The following OR6P1 variants were observed in gnomAD, a reference collection of about 807,000 sequenced individuals.
OR6P1 encodes olfactory receptor 6P1.
OR6P1 carries 5 observed loss-of-function variants against 6.6 expected under a neutral mutation model. That is an observed-to-expected ratio of 0.76 (90% CI 0.40 to 1.60). OR6P1 has a LOEUF of 1.60. Among genes scored for constraint, OR6P1 ranks in the 40% most tolerant of loss-of-function variants. The pLI, the probability that OR6P1 is intolerant of heterozygous loss-of-function variation, is 0.02. For synonymous variants in OR6P1, 177 were observed against 149.6 expected (o/e 1.18, Z -1.33); for missense variants, 451 against 383.0 (o/e 1.18, Z -1.48).
At chr1:158,567,214 A>G (rs1184830061) in intron 1 of OR6P1, among the ~76,000 whole-genome samples, 20 of 152,128 alleles carry the variant, frequency 1.3e-4, no homozygotes, top group African/African-American at 4.1e-4. Flanking sequence ...AACTAGTTCA[A>G]CCATTGTGGA....
rs1647973561 is a variant in OR6P1, at chr1:158,562,363, G to A, written c.*288C>T. On this transcript the variant is annotated 3_prime_UTR_variant, in exon 3 of 3. Coordinates refer to ENST00000641540, the MANE Select transcript of OR6P1 (RefSeq NM_001160325.2). ...AAGTTTTGAATATTATTCACGGCAG[G>A]GTTACATTCCACACATACTCAGTAA... 1.4e-5 allele frequency: 5 copies of A among 354,986 alleles called. No homozygotes were observed. The South Asian group carries it at 1.6e-4, about 11-fold the overall frequency. 22.0% of individuals were successfully genotyped at this position (354,986 alleles called of 1,614,324 possible).
In OR6P1 at chr1:158,563,305, T is replaced by A. The variant is rs73014246; in HGVS notation, c.300A>T (p.Gln100His). The change falls in exon 3 of 3, where the codon CAA becomes CAT. Residue 100 changes from glutamine (Q) to histidine (H), a missense_variant. Gln to His is a conservative substitution (Grantham distance 24, BLOSUM62 0). Coordinates refer to ENST00000641540, the MANE Select transcript of OR6P1 (RefSeq NM_001160325.2). ...GRVSYVGCMT[Q>H]LYFFIALACT... Reference sequence around the variant, plus strand: ...AGGCTAAGGCAATAAAGAAGTACAGTTGGGTCATGCAACCTACGTAGGAGA... The same window carrying A: ...AGGCTAAGGCAATAAAGAAGTACAGATGGGTCATGCAACCTACGTAGGAGA... 11 of 1,550,904 alleles carry A rather than the reference T, an allele frequency of 7.1e-6. No homozygotes were observed. Among genetic ancestry groups the A allele is most frequent in the Non-Finnish European group, 9.6e-6 (11 of 1,146,870 alleles).
chr1:158,562,660 A>G lies in OR6P1; in HGVS notation c.945T>C (p.Val315=). ...VMGRCHYPRD[V]QD Reference sequence around the variant, plus strand: ...CAAGACCTGTTGTATATCAGTCCTGAACATCCCTAGGATAGTGACATCTGC... The same window carrying G: ...CAAGACCTGTTGTATATCAGTCCTGGACATCCCTAGGATAGTGACATCTGC... The change falls in exon 3 of 3, where the codon GTT becomes GTC. Residue 315 remains valine, a synonymous_variant. Coordinates refer to ENST00000641540, the MANE Select transcript of OR6P1 (RefSeq NM_001160325.2). 6.5e-7 allele frequency: 1 copy of G among 1,548,590 alleles called. No individual in the cohort carries two copies.
At chr1:158,569,173 C>T (rs2101719469) in intron 1 of OR6P1, among the ~76,000 whole-genome samples, 1 of 152,198 alleles carries the variant, frequency 6.6e-6, no homozygotes, top group South Asian at 2.1e-4. Flanking sequence ...AATTATTTGC[C>T]CATAATATGA....
intron 1 of OR6P1, among the ~76,000 whole-genome samples, chr1:158,568,632 A>G (rs553944736): frequency 6.6e-6 from 1 of 152,212 alleles, no homozygotes; most frequent in East Asian, 1.9e-4. Context: ...TTGCCTTTGA[A>G]TGCTCCCCTT....
rs562939302 is a variant in OR6P1, at chr1:158,561,333, CAACTT to C, written c.*1313_*1317del. ...ATTTAGAAATTTTATGAAAACAAAA[CAACTT>C]AAACTGTTTTAAGTATCAGATCTTT... On this transcript the variant is annotated 3_prime_UTR_variant, in exon 3 of 3. Coordinates refer to ENST00000641540, the MANE Select transcript of OR6P1 (RefSeq NM_001160325.2). 3.9e-5 allele frequency: 6 copies of C among 152,226 alleles called. No individual in the cohort carries two copies. In the South Asian group the frequency reaches 1.0e-3, roughly 26 times the overall value. 9.4% of individuals were successfully genotyped at this position (152,226 alleles called of 1,614,324 possible). A position where few individuals can be genotyped will look rare whatever the true frequency, so the allele number is the denominator to read the frequency against.
In OR6P1 at chr1:158,561,202, G is replaced by A. The variant is rs1042129571; in HGVS notation, c.*1449C>T. 1 of 152,082 alleles carries A rather than the reference G, an allele frequency of 6.6e-6. No homozygotes were observed. Among genetic ancestry groups the A allele is most frequent in the Non-Finnish European group, 1.5e-5 (1 of 68,010 alleles). The allele number at this position is 152,082 out of a possible 1,614,324, so 9.4% of individuals were successfully genotyped here. A position where few individuals can be genotyped will look rare whatever the true frequency, so the allele number is the denominator to read the frequency against. ...TAAAGCCAGGATCAAATTGAAATTT[G>A]CTCGTTCTAGGGTCTGAATTCTGAA... On this transcript the variant is annotated 3_prime_UTR_variant, in exon 3 of 3. Transcript: ENST00000641540.
At position 158,563,374 on chromosome 1, in the gene OR6P1, G is replaced by T. The variant is rs1648010178; in HGVS notation, c.231C>A (p.Thr77=). 3.9e-6 allele frequency: 6 copies of T among 1,551,382 alleles called. No individual in the cohort carries two copies. The highest frequency in any genetic ancestry group is 5.2e-6 in the Non-Finnish European group (6 of 1,146,900). ...GAAAGGCTGCCAAGAGCCGAGGAAT[G>T]GTGACATTGATGTACCATAGCTCCA... ...SFLELWYINV[T]IPRLLAAFLT... is the part of the protein sequence containing the mutation. The change falls in exon 3 of 3, where the codon ACC becomes ACA. Residue 77 remains threonine (T), a synonymous_variant. Coordinates refer to ENST00000641540, the MANE Select transcript of OR6P1 (RefSeq NM_001160325.2).
rs1443970256 is a variant in OR6P1 at position 158,561,717 on chromosome 1, C to T, written c.*934G>A. The stretch of plus-strand genomic sequence containing the variant: ...GAATACCTATGATTCAGGCTATGAA[C>T]CTGAGACATCCCAATTGCCATAGAG... On this transcript the variant is annotated 3_prime_UTR_variant, in exon 3 of 3. Coordinates refer to ENST00000641540, the MANE Select transcript of OR6P1 (RefSeq NM_001160325.2). 1 of 152,168 alleles carries T rather than the reference C, an allele frequency of 6.6e-6. No homozygotes were observed. The highest frequency in any genetic ancestry group is 1.5e-5 in the Non-Finnish European group (1 of 68,020). 9.4% of individuals were successfully genotyped at this position (152,168 alleles called of 1,614,324 possible).
At position 158,563,225 on chromosome 1, in the gene OR6P1, CA is replaced by C. The variant is rs1164533874; in HGVS notation, c.379del (p.Cys127ValfsTer31). 1.0e-5 allele frequency: 16 copies of C among 1,551,434 alleles called. No homozygotes were observed. In the East Asian group the frequency reaches 3.9e-4, roughly 38 times the overall value. Reference sequence around the variant, plus strand: ...GAGACTAGGGTAAAGGAGGGGTCCACAGATGGCCAGGTAGCGATCATAGGCC... The same window carrying C: ...GAGACTAGGGTAAAGGAGGGGTCCACGATGGCCAGGTAGCGATCATAGGCC... ...VMAYDRYLAI[C>X]GPLLYPSLMP... is the part of the protein sequence containing the mutation. On this transcript the variant is annotated frameshift_variant, in exon 3 of 3. Coordinates refer to ENST00000641540, the MANE Select transcript of OR6P1 (RefSeq NM_001160325.2). LOFTEE classifies it high-confidence loss of function.
intron 1 of OR6P1, among the ~76,000 whole-genome samples, chr1:158,568,814 A>C (rs1486394448): frequency 6.6e-6 from 1 of 152,088 alleles, no homozygotes; most frequent in Non-Finnish European, 1.5e-5. Flanking sequence ...AGTCCTTCAC[A>C]CTCACAGCTG....
intron 1 of OR6P1, among the ~76,000 whole-genome samples, chr1:158,570,069 A>G (rs937446228): frequency 2.0e-5 from 3 of 152,240 alleles, no homozygotes; most frequent in Non-Finnish European, 4.4e-5. Flanking sequence ...GAAGTGCTAC[A>G]GCCTAAACAC....
chr1:158,569,373 C>T (rs763958443), intron 1 of OR6P1, among the ~76,000 whole-genome samples: 30 of 152,178 alleles, frequency 2.0e-4, no homozygotes, highest in African/African-American at 6.8e-4. Context: ...TTCAGTGGTG[C>T]TCTATGGGAA....
chr1:158,565,177 C>G (rs1648065517), intron 2 of OR6P1, among the ~76,000 whole-genome samples: 1 of 152,160 alleles, frequency 6.6e-6, no homozygotes, highest in Admixed American at 6.6e-5. Context: ...GCTAGGACTA[C>G]AGGCACAACA....
rs1193956395 is a variant in OR6P1 at position 158,561,922 on chromosome 1, A to G, written c.*729T>C. Reference sequence around the variant, plus strand: ...GAGAAGATCTGTATATAAGCTTTCTAGAACATTTTACCTACTACCTGGTCA... The same window carrying G: ...GAGAAGATCTGTATATAAGCTTTCTGGAACATTTTACCTACTACCTGGTCA... On this transcript the variant is annotated 3_prime_UTR_variant, in exon 3 of 3. Transcript: ENST00000641540. 1.3e-5 allele frequency: 2 copies of G among 152,304 alleles called. No individual in the cohort carries two copies. The highest frequency in any genetic ancestry group is 2.9e-5 in the Non-Finnish European group (2 of 68,092). The allele number at this position is 152,304 out of a possible 1,614,324, so 9.4% of individuals were successfully genotyped here.
In OR6P1 at chr1:158,563,336, C is replaced by G; in HGVS notation, c.269G>C (p.Gly90Ala). Residue 90 changes from glycine to alanine, a missense_variant, in exon 3 of 3, where the codon GGT becomes GCT. Physicochemically the swap from Gly to Ala is moderately conservative, Grantham distance 60. Coordinates refer to ENST00000641540, the MANE Select transcript of OR6P1 (RefSeq NM_001160325.2). The part of the protein sequence containing the change: ...RLLAAFLTQD[G>A]RVSYVGCMTQ... The stretch of plus-strand genomic sequence containing the variant: ...CATGCAACCTACGTAGGAGACTCTA[C>G]CATCCTGGGTAAGAAAGGCTGCCAA... 2 of 1,551,504 alleles carry G rather than the reference C, an allele frequency of 1.3e-6. No individual in the cohort carries two copies. The highest frequency in any genetic ancestry group is 1.7e-6 in the Non-Finnish European group (2 of 1,146,924).
intron 1 of OR6P1, 26 bp from the exon 2 acceptor site, chr1:158,566,884 AATCCACTCATCTGACAAAGGGCTAAT>A (rs1648109493): frequency 6.6e-6 from 1 of 152,198 alleles, no homozygotes; most frequent in African/African-American, 2.4e-5. Context: ...AAATTTTTGC[AATCCACTCATCTGACAAAGGGCTAAT>A]ATCCAGAATC....
In OR6P1 at chr1:158,561,644, T is replaced by G. The variant is rs1378498161; in HGVS notation, c.*1007A>C. 1 of 152,196 alleles carries G rather than the reference T, an allele frequency of 6.6e-6. No homozygotes were observed. Among genetic ancestry groups the G allele is most frequent in the Non-Finnish European group, 1.5e-5 (1 of 68,022 alleles). The allele number at this position is 152,196 out of a possible 1,614,324, so 9.4% of individuals were successfully genotyped here. A position where few individuals can be genotyped will look rare whatever the true frequency, so the allele number is the denominator to read the frequency against. On this transcript the variant is annotated 3_prime_UTR_variant, in exon 3 of 3. Coordinates refer to ENST00000641540, the MANE Select transcript of OR6P1 (RefSeq NM_001160325.2). ...AGCCTAGATTCAAGATAAGAAAAAT[T>G]TCTCTGAACAATTCAAGTAACTTTC...
Position 158,561,055 on chromosome 1 carries a change from G to A in OR6P1, c.*1596C>T, listed in dbSNP as rs1647940176. On this transcript the variant is annotated 3_prime_UTR_variant, in exon 3 of 3. Transcript: ENST00000641540. ...ATGCTAACCCTTTGCCCGCATATGT[G>A]TTATTTATTTAATATTCACAACAAG... 1 of 152,040 alleles carries A rather than the reference G, an allele frequency of 6.6e-6. No homozygotes were observed. The highest frequency in any genetic ancestry group is 1.9e-4 in the East Asian group (1 of 5,194). The allele number at this position is 152,040 out of a possible 1,614,324, so 9.4% of individuals were successfully genotyped here. A position where few individuals can be genotyped will look rare whatever the true frequency, so the allele number is the denominator to read the frequency against.
Sources: gnomAD v4.1 joint callset for allele counts (sites outside exome capture counted in the v4.1 genomes callset) on GRCh38, gnomAD v4.1.1 for gene constraint, MANE v1.5 for transcripts, NCBI Gene and HGNC (gene_info 2026-07-23, HGNC 2026-07-21) for gene names.